PALLD: variants seen among roughly 807,000 people sequenced by gnomAD.
PALLD encodes the protein palladin, cytoskeletal associated protein.
A neutral mutation model predicts 123.5 loss-of-function variants in PALLD; 61 were observed. That is an observed-to-expected ratio of 0.49 (90% CI 0.40 to 0.61). The LOEUF is 0.61. PALLD is among the 20% of genes least tolerant of loss of function. PALLD has a pLI of 0.00. For missense variants in PALLD, 1,273 were observed against 1,377.0 expected (o/e 0.92, Z 1.20); for synonymous variants, 465 against 496.4 (o/e 0.94, Z 0.84).
intron 1 of PALLD, among the ~76,000 whole-genome samples, chr4:168,505,586 T>C (rs958848680): frequency 6.6e-6 from 1 of 152,234 alleles, no homozygotes. Flanking sequence ...GGTAAGATGG[T>C]AAAGTGCATA....
At chr4:168,733,137 T>C (rs1787347350) in intron 10 of PALLD, among the ~76,000 whole-genome samples, 1 of 152,192 alleles carries the variant, frequency 6.6e-6, no homozygotes, top group Non-Finnish European at 1.5e-5. Context: ...GTCAGGGTAA[T>C]TGAGATATCT....
rs994700552 is a variant in PALLD at position 168,869,072 on chromosome 4, C to T, written c.1965-21850C>T. On this transcript the variant is annotated intron_variant, in intron 10 of 21. Coordinates refer to ENST00000505667, the MANE Select transcript of PALLD (RefSeq NM_001166108.2). The surrounding 1 kb of genome is among the most constrained non-coding windows in gnomAD (Gnocchi z 4.5). ...GGAGCTGCATTACCAGGTTCACAAA[C>T]GTTCTCATTCGGGTTTGGGAGTTTC... Among the ~76,000 whole-genome samples, 3 of 152,162 alleles carry T rather than the reference C, an allele frequency of 2.0e-5. No homozygotes were observed. Among genetic ancestry groups the T allele is most frequent in the Non-Finnish European group, 4.4e-5 (3 of 68,022 alleles).
At chr4:168,721,133 A>G (rs1011154327) in intron 10 of PALLD, among the ~76,000 whole-genome samples, 1 of 152,230 alleles carries the variant, frequency 6.6e-6, no homozygotes, top group Admixed American at 6.5e-5. Flanking sequence ...AAGAAATACC[A>G]TATGTCCATT....
At chr4:168,872,027 C>T (rs185365281) in intron 10 of PALLD, among the ~76,000 whole-genome samples, 1 of 152,324 alleles carries the variant, frequency 6.6e-6, no homozygotes, top group African/African-American at 2.4e-5. Flanking sequence ...AAACAGTTCA[C>T]ATTGCTACTG....
intron 10 of PALLD, among the ~76,000 whole-genome samples, chr4:168,865,775 A>C (rs1190677139): frequency 1.6e-4 from 3 of 18,986 alleles, no homozygotes; most frequent in Non-Finnish European, 2.5e-4. Context: ...AGACTAAAGA[A>C]TGAATTTATT....
intron 2 of PALLD, among the ~76,000 whole-genome samples, chr4:168,639,685 A>G (rs546986114): frequency 6.6e-6 from 1 of 151,870 alleles, no homozygotes; most frequent in Non-Finnish European, 1.5e-5. Flanking sequence ...CTGGGACTAC[A>G]GGCACCCACT....
chr4:168,758,320 C>T (rs1668524022), intron 10 of PALLD, among the ~76,000 whole-genome samples: 1 of 152,172 alleles, frequency 6.6e-6, no homozygotes, highest in African/African-American at 2.4e-5. Context: ...ATTTCCAAAG[C>T]TGCTACCAGA....
rs1036845309 is a variant in PALLD at position 168,928,055 on chromosome 4, CACCA to C, written c.*1885_*1888del. The C allele has an allele frequency of 2.6e-5, 5 of 195,600 alleles. No individual in the cohort carries two copies. The highest frequency in any genetic ancestry group is 1.2e-4 in the African/African-American group (5 of 43,212). The allele number at this position is 195,600 out of a possible 1,614,324, so 12.1% of individuals were successfully genotyped here. ...ACAGCTTTCTACTTCTTTGTAAGAA[CACCA>C]ACCAACCAAGGTTTAAGTGATTAAT... On this transcript the variant is annotated 3_prime_UTR_variant, in exon 22 of 22. Transcript: ENST00000505667.
rs183025886 is a variant in PALLD, at chr4:168,837,333, C to T, written c.1965-53589C>T. 4.7e-3 allele frequency among the ~76,000 whole-genome samples: 715 copies of T among 152,226 alleles called. 2 individuals carry two copies. The highest frequency in any genetic ancestry group is 6.7e-3 in the Non-Finnish European group (456 of 68,024). On this transcript the variant is annotated intron_variant, in intron 10 of 21. Transcript: ENST00000505667. ...TTTACTGAGAACTTAGTAACCTAGA[C>T]CTAGACATTAATGTTACTTAGTTGT... is the stretch of plus-strand genomic sequence containing the variant.
intron 10 of PALLD, among the ~76,000 whole-genome samples, chr4:168,792,429 G>C (rs185966345): frequency 6.6e-6 from 1 of 152,004 alleles, no homozygotes; most frequent in Non-Finnish European, 1.5e-5. Flanking sequence ...TCTTTACTCC[G>C]CAGCCTCCCG....
intron 10 of PALLD, among the ~76,000 whole-genome samples, chr4:168,763,801 A>T (rs992622122): frequency 6.6e-6 from 1 of 152,156 alleles, no homozygotes; most frequent in Non-Finnish European, 1.5e-5. Context: ...AAAAGAAATG[A>T]ATGCAACTCC....
intron 10 of PALLD, chr4:168,712,126 C>T (rs1378999952): frequency 4.9e-6 from 3 of 615,844 alleles, no homozygotes; most frequent in Non-Finnish European, 8.6e-6. Flanking sequence ...TGAAATCTGC[C>T]CTTTGCTGAA....
At chr4:168,523,235 G>A (rs147549621) in intron 2 of PALLD, among the ~76,000 whole-genome samples, 1 of 125,992 alleles carries the variant, frequency 7.9e-6, no homozygotes, top group South Asian at 2.6e-4. Flanking sequence ...AGGAGAGGAG[G>A]GGAGGGGAGG....
intron 10 of PALLD, among the ~76,000 whole-genome samples, chr4:168,845,038 G>A (rs1170446405): frequency 7.7e-6 from 1 of 129,878 alleles, no homozygotes; most frequent in Admixed American, 8.3e-5. Context: ...TTTGGGAGAA[G>A]GCTGAAGCTG....
intron 10 of PALLD, among the ~76,000 whole-genome samples, chr4:168,808,089 A>T (rs1391245122): frequency 6.6e-6 from 1 of 152,144 alleles, no homozygotes; most frequent in African/African-American, 2.4e-5. Flanking sequence ...CATATGTGTA[A>T]TATAAGTACT....
chr4:168,776,436 G>A (rs10008108), intron 10 of PALLD, among the ~76,000 whole-genome samples: 52,856 of 151,914 alleles, frequency 0.35, 9,963 homozygotes, highest in East Asian at 0.55. Flanking sequence ...ACATAATAGT[G>A]TTGTTTGCAA....
chr4:168,783,042 A>ATGTG (rs1238465198), intron 10 of PALLD, among the ~76,000 whole-genome samples: 8 of 96,846 alleles, frequency 8.3e-5, no homozygotes, highest in African/African-American at 3.3e-4. Context: ...AATTTTATAT[A>ATGTG]TATATGTGTG....
intron 3 of PALLD, 82 bp downstream of exon 3, chr4:168,668,450 C>T (rs1440296485): frequency 1.2e-4 from 131 of 1,121,816 alleles, no homozygotes; most frequent in Non-Finnish European, 1.3e-5. Flanking sequence ...GCAAATGTGC[C>T]TTTCCAATGC....
At chr4:168,856,689 C>T (rs1748656870) in intron 10 of PALLD, among the ~76,000 whole-genome samples, 2 of 152,056 alleles carry the variant, frequency 1.3e-5, no homozygotes. Flanking sequence ...GAAGCAGGTT[C>T]AGAAAAATTA....
Sources: allele counts gnomAD v4.1 joint callset (sites outside exome capture counted in the v4.1 genomes callset), GRCh38; gene constraint gnomAD v4.1.1; non-coding constraint Gnocchi (gnomAD v3.1); transcripts MANE v1.5; gene names NCBI Gene and HGNC (gene_info 2026-07-23, HGNC 2026-07-21).